The following CACFD1 variants were observed in gnomAD, a reference collection of about 807,000 sequenced individuals.
The protein encoded by CACFD1 is calcium channel flower homolog.
In CACFD1, 26 loss-of-function variants were observed where a neutral mutation model predicts 21.3. The ratio of observed to expected loss-of-function variants is 1.22; its 90% CI spans 0.89 to 1.69. The LOEUF is 1.69. CACFD1 is among the 40% of genes most tolerant of loss of function. The probability of loss-of-function intolerance (pLI) is 0.00; values close to 1 mark genes in which losing one functional copy is unlikely to be tolerated. For missense variants in CACFD1, 265 were observed against 236.2 expected (o/e 1.12, Z -0.80); for synonymous variants, 121 against 106.6 (o/e 1.13, Z -0.83).
Position 133,468,723 on chromosome 9 carries a change from T to A in CACFD1, c.*70T>A, listed in dbSNP as rs1194268911. ...GTGGGTCCAAGTGAGGCCTGGACTG[T>A]CCACGCTGAGGCACAGCCTGGAGAG... is the stretch of plus-strand genomic sequence containing the variant. On this transcript the variant is annotated 3_prime_UTR_variant, in exon 5 of 5. Transcript: ENST00000316948. The A allele has an allele frequency of 6.7e-7, 1 of 1,487,148 alleles. No individual in the cohort carries two copies. The highest frequency in any genetic ancestry group is 2.5e-5 in the East Asian group (1 of 40,588). 92.1% of individuals were successfully genotyped at this position (1,487,148 alleles called of 1,614,324 possible). A position where few individuals can be genotyped will look rare whatever the true frequency, so the allele number is the denominator to read the frequency against.
chr9:133,463,185 T>C (rs1554798851), intron 1 of CACFD1, among the ~76,000 whole-genome samples: 1 of 152,200 alleles, frequency 6.6e-6, no homozygotes, highest in East Asian at 1.9e-4. Context: ...TGGATATTGA[T>C]GTAGCTGGGG....
At chr9:133,464,107 G>A (rs897772645) in intron 2 of CACFD1, among the ~76,000 whole-genome samples, 17 of 152,214 alleles carry the variant, frequency 1.1e-4, no homozygotes, top group South Asian at 2.1e-4. Context: ...CCAGGGTTTC[G>A]CCATCCCATC....
intron 1 of CACFD1, among the ~76,000 whole-genome samples, chr9:133,462,801 G>GC (rs1342399643): frequency 6.6e-6 from 1 of 152,248 alleles, no homozygotes; most frequent in Non-Finnish European, 1.5e-5. Context: ...GGAAAACGAT[G>GC]CCCCCTCCCC....
At chr9:133,464,486 G>C (rs1843352974) in intron 2 of CACFD1, among the ~76,000 whole-genome samples, 1 of 152,138 alleles carries the variant, frequency 6.6e-6, no homozygotes. Context: ...CGGGTGCAGT[G>C]GTTAAGAGTT....
Position 133,469,210 on chromosome 9 carries a change from A to C in CACFD1, c.*557A>C, listed in dbSNP as rs1554800373. The C allele has an allele frequency of 6.5e-6, 1 of 153,348 alleles. No individual in the cohort carries two copies. Among genetic ancestry groups the C allele is most frequent in the Non-Finnish European group, 1.5e-5 (1 of 68,870 alleles). The allele number at this position is 153,348 out of a possible 1,614,324, so 9.5% of individuals were successfully genotyped here. A position where few individuals can be genotyped will look rare whatever the true frequency, so the allele number is the denominator to read the frequency against. The stretch of plus-strand genomic sequence containing the variant: ...GGTGCACCCCGGTACCTGGAACTGC[A>C]GCCTTGGCAGTGACTGGACAGCTGG... On this transcript the variant is annotated 3_prime_UTR_variant, in exon 5 of 5. Transcript: ENST00000316948.
At chr9:133,461,398 G>A (rs587717348) in intron 1 of CACFD1, among the ~76,000 whole-genome samples, 1 of 152,348 alleles carries the variant, frequency 6.6e-6, no homozygotes, top group South Asian at 2.1e-4. Context: ...TTGTGTCACT[G>A]CTCTTCAGGG....
In CACFD1 at chr9:133,465,665, A is replaced by G. The variant is rs1031757919; in HGVS notation, c.320+218A>G. The G allele has an allele frequency of 1.8e-6, 1 of 568,480 alleles. No individual in the cohort carries two copies. Among genetic ancestry groups the G allele is most frequent in the Non-Finnish European group, 3.1e-6 (1 of 319,390 alleles). The allele number at this position is 568,480 out of a possible 1,614,324, so 35.2% of individuals were successfully genotyped here. ...ACTCAGCTGTCGCTGTGCCGTAGTC[A>G]CTGGAAGGTTCAGAGGTATATGAGC... On this transcript the variant is annotated intron_variant, in intron 3 of 4. Coordinates refer to ENST00000316948, the MANE Select transcript of CACFD1 (RefSeq NM_017586.5). This position sits in a 1 kb window ranked among gnomAD's most constrained non-coding sequence, Gnocchi z 5.0.
intron 1 of CACFD1, among the ~76,000 whole-genome samples, chr9:133,463,231 A>G (rs1554798861): frequency 6.6e-6 from 1 of 152,150 alleles, no homozygotes; most frequent in East Asian, 1.9e-4. Flanking sequence ...TGAAACGGGG[A>G]GAGGATGCTG....
rs1843402832 is a variant in CACFD1, at chr9:133,465,539, T to C, written c.320+92T>C. 1.1e-5 allele frequency: 14 copies of C among 1,277,396 alleles called. No individual in the cohort carries two copies. In the South Asian group the frequency reaches 1.9e-4, roughly 17 times the overall value. 79.1% of individuals were successfully genotyped at this position (1,277,396 alleles called of 1,614,324 possible). ...AAAAGTCAGGTGAGGGTGGGCAGTG[T>C]ATTCAGTTCCTCTCTGTGGAAGTGT... On this transcript the variant is annotated intron_variant, in intron 3 of 4. Transcript: ENST00000316948. The surrounding 1 kb of genome is among the most constrained non-coding windows in gnomAD (Gnocchi z 5.0).
At chr9:133,466,754 T>C (rs1167864556) in intron 3 of CACFD1, among the ~76,000 whole-genome samples, 1 of 150,414 alleles carries the variant, frequency 6.6e-6, no homozygotes, top group African/African-American at 2.5e-5. Context: ...AGCCCAGGGC[T>C]GCACACCACT....
intron 2 of CACFD1, 66 bp downstream of exon 2, chr9:133,463,621 G>A (rs371634024): frequency 7.8e-6 from 12 of 1,541,356 alleles, no homozygotes; most frequent in Admixed American, 6.7e-5. Flanking sequence ...GGCACCTCCC[G>A]GGACAGAGGA....
rs1843383177 is a variant in CACFD1 at position 133,465,172 on chromosome 9, C to T, written c.195-150C>T. The T allele has an allele frequency of 3.6e-6, 3 of 831,988 alleles. No individual in the cohort carries two copies. The highest frequency in any genetic ancestry group is 2.4e-5 in the East Asian group (1 of 40,958). 51.5% of individuals were successfully genotyped at this position (831,988 alleles called of 1,614,324 possible). On this transcript the variant is annotated intron_variant, in intron 2 of 4. Coordinates refer to ENST00000316948, the MANE Select transcript of CACFD1 (RefSeq NM_017586.5). This position sits in a 1 kb window ranked among gnomAD's most constrained non-coding sequence, Gnocchi z 5.0. The stretch of plus-strand genomic sequence containing the variant: ...GCTCTCCGAGGGGTACGAGCAGGTG[C>T]CCTGGAGCAGCCGGGCGGCTTCCCA...
Position 133,465,468 on chromosome 9 carries a change from G to A in CACFD1, c.320+21G>A. On this transcript the variant is annotated intron_variant, in intron 3 of 4. Transcript: ENST00000316948. The surrounding 1 kb of genome is among the most constrained non-coding windows in gnomAD (Gnocchi z 5.0). ...TGCGGGTGAGGGGTTGCTGGGCAGG[G>A]TCCCGTGACACAGTTCCCCAAAACC... is the stretch of plus-strand genomic sequence containing the variant. The A allele has an allele frequency of 6.3e-7, 1 of 1,592,478 alleles. No individual in the cohort carries two copies. The highest frequency in any genetic ancestry group is 2.2e-5 in the East Asian group (1 of 44,638).
chr9:133,467,027 G>T (rs1843465646), intron 3 of CACFD1, among the ~76,000 whole-genome samples: 1 of 152,004 alleles, frequency 6.6e-6, no homozygotes, highest in Non-Finnish European at 1.5e-5. Flanking sequence ...CTTTTTCTTT[G>T]TAATTTCTAT....
intron 3 of CACFD1, among the ~76,000 whole-genome samples, chr9:133,466,396 A>C (rs1227382416): frequency 1.3e-5 from 2 of 152,212 alleles, no homozygotes; most frequent in African/African-American, 4.8e-5. Flanking sequence ...GCCTGCTTTT[A>C]ACACAGTTAT....
rs1843581952 is a variant in CACFD1 at position 133,469,390 on chromosome 9, G to GCTCTCCCTGGCACCGAGGGTGCCCACC, written c.*748_*774dup. ...GGTGCTAAGGAAGTGGGGAGAGCAG[G>GCTCTCCCTGGCACCGAGGGTGCCCACC]CTCTCCCTGGCACCGAGGGTGCCCA... is the stretch of plus-strand genomic sequence containing the variant. On this transcript the variant is annotated 3_prime_UTR_variant, in exon 5 of 5. Transcript: ENST00000316948. 11 of 152,444 alleles carry GCTCTCCCTGGCACCGAGGGTGCCCACC rather than the reference G, an allele frequency of 7.2e-5. No individual in the cohort carries two copies. The highest frequency in any genetic ancestry group is 1.5e-4 in the Non-Finnish European group (10 of 68,174). 9.4% of individuals were successfully genotyped at this position (152,444 alleles called of 1,614,324 possible).
chr9:133,469,955 C>T lies in CACFD1; in HGVS notation c.*1302C>T, dbSNP rs62576013. On this transcript the variant is annotated 3_prime_UTR_variant, in exon 5 of 5. Coordinates refer to ENST00000316948, the MANE Select transcript of CACFD1 (RefSeq NM_017586.5). ...TGAGGCTGGGAGTGGCATCTGAGGC[C>T]GGGAGTGGCATCTGAGGCCAGGAGT... 2,797 of 112,536 alleles carry T rather than the reference C, an allele frequency of 0.025. 49 individuals are homozygous for T. Among genetic ancestry groups the T allele is most frequent in the Non-Finnish European group, 0.034 (1,626 of 47,616 alleles). 7.0% of individuals were successfully genotyped at this position (112,536 alleles called of 1,614,324 possible).
chr9:133,464,547 C>T (rs1428413560), intron 2 of CACFD1, among the ~76,000 whole-genome samples: 1 of 151,982 alleles, frequency 6.6e-6, no homozygotes. Flanking sequence ...GTGTCCTGAG[C>T]CTGCATTTCT....
intron 1 of CACFD1, among the ~76,000 whole-genome samples, chr9:133,460,460 GGGCGGGGGGGC>G (rs1276030752): frequency 7.5e-6 from 1 of 134,138 alleles, no homozygotes; most frequent in South Asian, 2.4e-4. Context: ...AGAAACCCCA[GGGCGGGGGGGC>G]GGCGGGGGCG....
Sources: allele counts gnomAD v4.1 joint callset (sites outside exome capture counted in the v4.1 genomes callset), GRCh38; gene constraint gnomAD v4.1.1; non-coding constraint Gnocchi (gnomAD v3.1); transcripts MANE v1.5; gene names NCBI Gene and HGNC (gene_info 2026-07-23, HGNC 2026-07-21).